Variants in RPGRIP1 observed in about 807,000 individuals in gnomAD.
RPGRIP1 encodes X-linked retinitis pigmentosa GTPase regulator-interacting protein 1.
A neutral mutation model predicts 157.9 loss-of-function variants in RPGRIP1; 128 were observed. That is an observed-to-expected ratio of 0.81 (90% CI 0.70 to 0.94). The LOEUF is 0.94. Among genes scored for constraint, RPGRIP1 ranks in the 40% least tolerant of loss-of-function variants. RPGRIP1 has a pLI of 0.00. For missense variants in RPGRIP1, 1,486 were observed against 1,545.8 expected (o/e 0.96, Z 0.65); for synonymous variants, 554 against 571.6 (o/e 0.97, Z 0.44).
intron 4 of RPGRIP1, among the ~76,000 whole-genome samples, chr14:21,301,725 A>AATAATAATAAT (rs59227988): frequency 1.9e-4 from 17 of 87,396 alleles, no homozygotes; most frequent in South Asian, 3.8e-4. Flanking sequence ...ATAATAATAA[A>AATAATAATAAT]AAATTAGCCA....
chr14:21,321,237 A>G (rs1266583979), intron 12 of RPGRIP1, 22 bp from the exon 13 acceptor site: 3 of 1,605,048 alleles, frequency 1.9e-6, no homozygotes, highest in South Asian at 1.1e-5. Flanking sequence ...ACTCCCTTTT[A>G]CCAATGCGTT....
chr14:21,325,060 C>T lies in RPGRIP1; in HGVS notation c.2205C>T (p.Ala735=). ...CTGTGGAGAAAGTCCATGGCTTGGCCACACTGATTGGTAAGTGCCGTTGGC... is the reference window on the plus strand; with the variant it reads ...CTGTGGAGAAAGTCCATGGCTTGGCTACACTGATTGGTAAGTGCCGTTGGC... ...LETVEKVHGL[A]TLIGAGGEEF... Residue 735 remains alanine, a synonymous_variant, in exon 15 of 25, where the codon GCC becomes GCT. Transcript: ENST00000400017. The T allele has an allele frequency of 1.9e-6, 3 of 1,609,070 alleles. No homozygotes were observed. Among genetic ancestry groups the T allele is most frequent in the Non-Finnish European group, 2.6e-6 (3 of 1,176,058 alleles).
Position 21,320,164 on chromosome 14 carries a change from A to G in RPGRIP1, c.1454A>G (p.Asn485Ser). 2 of 1,613,892 alleles carry G rather than the reference A, an allele frequency of 1.2e-6. No homozygotes were observed. Among genetic ancestry groups the G allele is most frequent in the Non-Finnish European group, 1.7e-6 (2 of 1,179,846 alleles). The change falls in exon 12 of 25, where the codon AAC becomes AGC. Residue 485 changes from asparagine (N) to serine (S), a missense_variant. Transcript: ENST00000400017. ...PATHPAVLQENTQIEPSEPKN... is the reference protein window; with the variant it reads ...PATHPAVLQESTQIEPSEPKN... ...ACTCACCCAGCTGTATTGCAAGAGA[A>G]CACTCAGATCGAGGTAAGAGCCTCT... is the stretch of plus-strand genomic sequence containing the variant.
chr14:21,311,055 G>A (rs1192935872), intron 8 of RPGRIP1: 3 of 428,670 alleles, frequency 7.0e-6, no homozygotes, highest in South Asian at 1.7e-5. Context: ...CACTAAGACA[G>A]AGTTCCAAAC....
intron 12 of RPGRIP1, among the ~76,000 whole-genome samples, chr14:21,320,882 CGTGCCACT>C (rs1356611045): frequency 6.6e-6 from 1 of 152,130 alleles, no homozygotes; most frequent in African/African-American, 2.4e-5. Context: ...ATTACAGGCA[CGTGCCACT>C]GTGCCCTGCT....
chr14:21,322,657 C>T (rs1180023580), intron 14 of RPGRIP1, among the ~76,000 whole-genome samples: 1 of 152,110 alleles, frequency 6.6e-6, no homozygotes, highest in East Asian at 1.9e-4. Context: ...TTCTCTCTTG[C>T]TCCTCTCCCC....
intron 11 of RPGRIP1, among the ~76,000 whole-genome samples, chr14:21,319,253 C>T (rs1882132365): frequency 6.6e-6 from 1 of 152,100 alleles, no homozygotes; most frequent in African/African-American, 2.4e-5. Flanking sequence ...ACACCGATTA[C>T]CTTTATTCCC....
chr14:21,342,713 G>A (rs1021770159), intron 21 of RPGRIP1, among the ~76,000 whole-genome samples: 5 of 151,984 alleles, frequency 3.3e-5, no homozygotes, highest in Admixed American at 6.6e-5. Flanking sequence ...CCTCCCCGCC[G>A]CTCCGAATCA....
rs757513142 is a variant in RPGRIP1, at chr14:21,328,428, A to G, written c.2900A>G (p.Gln967Arg). ...EEKASFPSQD[Q>R]MASPEVPIEA... is the part of the protein sequence containing the mutation. ...ATCTCTGATCTTTCTATTCAGGATC[A>G]GATGGCATCTCCTGAGGTTCCCATT... Residue 967 changes from glutamine to arginine, a missense_variant, in exon 19 of 25, where the codon CAG (glutamine) becomes CGG (arginine). By Grantham distance (43) the Gln-to-Arg change is conservative (BLOSUM62 1). Transcript: ENST00000400017. 6.2e-7 allele frequency: 1 copy of G among 1,609,372 alleles called. No homozygotes were observed. Among genetic ancestry groups the G allele is most frequent in the Admixed American group, 1.7e-5 (1 of 59,152 alleles).
rs777901439 is a variant in RPGRIP1, at chr14:21,334,632, A to G, written c.3266A>G (p.Glu1089Gly). ...NDKESSEQGS[E>G]VSEAQTTDSD... ...AAAGAATCCTCTGAACAAGGTTCTG[A>G]AGTCAGTGAAGCACAAACTACCGAC... is the stretch of plus-strand genomic sequence containing the variant. The change falls in exon 21 of 25, where the codon GAA becomes GGA. Residue 1089 changes from glutamate (E) to glycine (G), a missense_variant. Coordinates refer to ENST00000400017, the MANE Select transcript of RPGRIP1 (RefSeq NM_020366.4). The G allele has an allele frequency of 9.3e-6, 15 of 1,608,956 alleles. 1 individual carries two copies. In the South Asian group the frequency reaches 1.7e-4, roughly 18 times the overall value.
At chr14:21,292,823 C>T (rs1880590311) in intron 2 of RPGRIP1, among the ~76,000 whole-genome samples, 1 of 151,826 alleles carries the variant, frequency 6.6e-6, no homozygotes, top group African/African-American at 2.4e-5. Flanking sequence ...ACACTCCAGC[C>T]TGGGCAACAG....
chr14:21,323,805 C>G (rs1437373344), intron 14 of RPGRIP1: 1 of 148,962 alleles, frequency 6.7e-6, no homozygotes, highest in Non-Finnish European at 1.5e-5. Flanking sequence ...GTGTGTGTGT[C>G]ATGAAGACAT....
chr14:21,324,246 A>T (rs1882804023), intron 14 of RPGRIP1: 4 of 327,884 alleles, frequency 1.2e-5, no homozygotes, highest in South Asian at 1.1e-4. Context: ...AACTTGTAGA[A>T]ATATTCATGT....
At chr14:21,331,097 C>T (rs1006294822) in intron 20 of RPGRIP1, among the ~76,000 whole-genome samples, 1 of 151,760 alleles carries the variant, frequency 6.6e-6, no homozygotes, top group African/African-American at 2.4e-5. Context: ...TTAGTAGAGA[C>T]AGGTTTTCTC....
chr14:21,337,778 T>A (rs1000657040), intron 21 of RPGRIP1, among the ~76,000 whole-genome samples: 1 of 134,202 alleles, frequency 7.5e-6, no homozygotes, highest in African/African-American at 2.9e-5. Flanking sequence ...TTTTTTTTTT[T>A]AGAGTCTCGC....
At chr14:21,306,112 C>CTTTTTTT (rs539083010) in intron 6 of RPGRIP1, among the ~76,000 whole-genome samples, 4 of 44,826 alleles carry the variant, frequency 8.9e-5, no homozygotes, top group African/African-American at 2.7e-4. Flanking sequence ...GAATAATAGT[C>CTTTTTTT]TTTTTTTTTT....
intron 22 of RPGRIP1, among the ~76,000 whole-genome samples, chr14:21,344,115 A>G (rs1419415685): frequency 1.3e-5 from 2 of 151,368 alleles, no homozygotes; most frequent in Non-Finnish European, 2.9e-5. Flanking sequence ...CACTACACTC[A>G]TGTCCCTTTC....
rs11342361 is a variant in RPGRIP1, at chr14:21,295,478, ATT to A, written c.218+690_218+691del. ...ATTTATTTATTTATTTATTTTTGAGATTTTTTTTTTTTTTTTTTTTTTGAGAT... is the reference window on the plus strand; with the variant it reads ...ATTTATTTATTTATTTATTTTTGAGATTTTTTTTTTTTTTTTTTTTGAGAT... On this transcript the variant is annotated intron_variant, in intron 3 of 24. Coordinates refer to ENST00000400017, the MANE Select transcript of RPGRIP1 (RefSeq NM_020366.4). 3.7e-3 allele frequency among the ~76,000 whole-genome samples: 431 copies of A among 116,460 alleles called. 1 individual carries two copies. Among genetic ancestry groups the A allele is most frequent in the African/African-American group, 6.5e-3 (201 of 30,984 alleles). The allele number at this position is 116,460 out of a possible 152,430, so 76.4% of individuals were successfully genotyped here.
chr14:21,294,321 C>T (rs1447894443), intron 2 of RPGRIP1, among the ~76,000 whole-genome samples: 1 of 151,182 alleles, frequency 6.6e-6, no homozygotes, highest in Non-Finnish European at 1.5e-5. Flanking sequence ...ACCTCTGCCT[C>T]CCAGGCTCAA....
Sources: gnomAD v4.1 joint callset for allele counts (sites outside exome capture counted in the v4.1 genomes callset) on GRCh38, gnomAD v4.1.1 for gene constraint, MANE v1.5 for transcripts, NCBI Gene and HGNC (gene_info 2026-07-23, HGNC 2026-07-21) for gene names.